Variants in RPN1 observed in about 807,000 individuals in gnomAD.
RPN1 encodes ribophorin I.
A neutral mutation model predicts 55.5 loss-of-function variants in RPN1; 12 were observed. The observed-to-expected ratio is 0.22, with a 90% confidence interval of 0.14 to 0.35. RPN1 has a LOEUF of 0.35. Ranked by LOEUF, RPN1 falls within the 10% of genes least tolerant of loss-of-function variation. The pLI is 1.00. For missense variants in RPN1, 679 were observed against 761.3 expected, an observed-to-expected ratio of 0.89 and a Z score of 1.27; for synonymous variants, 317 against 305.9, an observed-to-expected ratio of 1.04 and a Z score of -0.38.
intron 8 of RPN1, among the ~76,000 whole-genome samples, chr3:128,623,990 T>TACAC (rs377398264): frequency 1.8e-4 from 27 of 150,826 alleles, no homozygotes; most frequent in African/African-American, 6.6e-4. Context: ...CAGAAATAAT[T>TACAC]ACACACACAC....
intron 2 of RPN1, among the ~76,000 whole-genome samples, chr3:128,641,995 T>C (rs1273729333): frequency 6.6e-6 from 1 of 152,078 alleles, no homozygotes; most frequent in Non-Finnish European, 1.5e-5. Context: ...CTAGTAAACA[T>C]AACAGAGCTA....
intron 8 of RPN1, 126 bp downstream of exon 8, chr3:128,625,408 T>C (rs1373639275): frequency 2.1e-6 from 3 of 1,439,710 alleles, no homozygotes; most frequent in African/African-American, 2.8e-5. Flanking sequence ...CCGGCAAGGA[T>C]GAGCACAGGC....
intron 3 of RPN1, among the ~76,000 whole-genome samples, chr3:128,635,306 AT>A (rs1014479031): frequency 1.4e-3 from 210 of 146,338 alleles, no homozygotes; most frequent in African/African-American, 1.9e-3. Flanking sequence ...ATTCTCTATT[AT>A]TTTTTTTTTT....
Position 128,622,414 on chromosome 3 carries a change from A to G in RPN1, c.1396-5T>C. The G allele has an allele frequency of 6.2e-7, 1 of 1,613,988 alleles. No homozygotes were observed. Among genetic ancestry groups the G allele is most frequent in the Non-Finnish European group, 8.5e-7 (1 of 1,179,974 alleles). ...CCTGGCTTCTGCGGCTGGATCCTGA[A>G]GGAAGGAGAGGCACCATGTGTGACA... is the stretch of plus-strand genomic sequence containing the variant. On this transcript the variant is annotated splice_polypyrimidine_tract_variant and splice_region_variant and intron_variant, in intron 8 of 9. Transcript: ENST00000296255.
At chr3:128,648,955 C>T (rs1052593649) in intron 1 of RPN1, among the ~76,000 whole-genome samples, 10 of 152,176 alleles carry the variant, frequency 6.6e-5, no homozygotes, top group Non-Finnish European at 1.3e-4. Context: ...GCCTCCTTGC[C>T]TGCTATATGA....
intron 3 of RPN1, among the ~76,000 whole-genome samples, chr3:128,632,409 T>C (rs986476939): frequency 1.3e-5 from 2 of 152,176 alleles, no homozygotes; most frequent in Non-Finnish European, 2.9e-5. Context: ...CTGATTGTAT[T>C]AGGCAGTTTT....
chr3:128,635,333 G>T (rs11717358), intron 3 of RPN1, among the ~76,000 whole-genome samples: 1 of 150,892 alleles, frequency 6.6e-6, no homozygotes. Flanking sequence ...ACAGAGTCTT[G>T]CTCTGTTGCC....
At chr3:128,622,019 G>T in intron 9 of RPN1, 145 bp downstream of exon 9, 1 of 789,944 alleles carries the variant, frequency 1.3e-6, no homozygotes, top group Non-Finnish European at 2.0e-6. Context: ...ACAAGGACTG[G>T]CACCACATGA....
chr3:128,637,685 G>C (rs1250277046), intron 3 of RPN1, 114 bp downstream of exon 3: 6 of 1,095,536 alleles, frequency 5.5e-6, no homozygotes, highest in South Asian at 1.5e-5. Flanking sequence ...GATGACCTTA[G>C]AAATGACTGC....
intron 3 of RPN1, among the ~76,000 whole-genome samples, chr3:128,632,984 T>C (rs2069652189): frequency 6.6e-6 from 1 of 152,180 alleles, no homozygotes; most frequent in Non-Finnish European, 1.5e-5. Flanking sequence ...CAAAAGTCCA[T>C]GAAAAGGACA....
chr3:128,639,692 A>G (rs1468443793), intron 2 of RPN1, among the ~76,000 whole-genome samples: 2 of 151,838 alleles, frequency 1.3e-5, no homozygotes, highest in Non-Finnish European at 2.9e-5. Flanking sequence ...GGTTCAAGTG[A>G]TTCTCCTACC....
chr3:128,633,093 T>C (rs139546505), intron 3 of RPN1, among the ~76,000 whole-genome samples: 2 of 152,212 alleles, frequency 1.3e-5, no homozygotes, highest in Non-Finnish European at 2.9e-5. Flanking sequence ...ATAATCATAT[T>C]TGATAGCATT....
chr3:128,648,944 A>G (rs548821293), intron 1 of RPN1, among the ~76,000 whole-genome samples: 16 of 152,322 alleles, frequency 1.1e-4, no homozygotes, highest in African/African-American at 2.9e-4. Flanking sequence ...GACAGACTAC[A>G]GCCTCCTTGC....
At chr3:128,623,278 T>C (rs1483670969) in intron 8 of RPN1, among the ~76,000 whole-genome samples, 1 of 152,182 alleles carries the variant, frequency 6.6e-6, no homozygotes, top group Non-Finnish European at 1.5e-5. Context: ...GGCTCACACC[T>C]GTAATCCCAA....
chr3:128,631,839 G>A (rs1423663177), intron 4 of RPN1, 109 bp downstream of exon 4: 2 of 1,168,714 alleles, frequency 1.7e-6, no homozygotes, highest in Admixed American at 1.9e-5. Context: ...ATGAACATCA[G>A]TCAACCCTAA....
At chr3:128,626,946 A>T in intron 5 of RPN1, 114 bp from the exon 6 acceptor site, 1 of 844,920 alleles carries the variant, frequency 1.2e-6, no homozygotes, top group Non-Finnish European at 1.9e-6. Context: ...AAAACCAAAA[A>T]CCCACGGACC....
chr3:128,647,736 T>A (rs1386011386), intron 1 of RPN1, among the ~76,000 whole-genome samples: 2 of 151,530 alleles, frequency 1.3e-5, no homozygotes, highest in Non-Finnish European at 2.9e-5. Flanking sequence ...TGTGTGTGTA[T>A]CAGGAACTCT....
At position 128,637,661 on chromosome 3, in the gene RPN1, TTAAA is replaced by T; in HGVS notation, c.633+134_633+137del. Reference sequence around the variant, plus strand: ...CCCCATGGAGTCATTTCACTGCAGGTTAAACACTTTTGGGATGACCTTAGAAATG... The same window carrying T: ...CCCCATGGAGTCATTTCACTGCAGGTCACTTTTGGGATGACCTTAGAAATG... On this transcript the variant is annotated intron_variant, in intron 3 of 9. Coordinates refer to ENST00000296255, the MANE Select transcript of RPN1 (RefSeq NM_002950.4). The T allele has an allele frequency of 3.5e-6, 3 of 847,128 alleles. No individual in the cohort carries two copies. The South Asian group carries it at 5.0e-5, about 14-fold the overall frequency. The allele number at this position is 847,128 out of a possible 1,614,324, so 52.5% of individuals were successfully genotyped here. A position where few individuals can be genotyped will look rare whatever the true frequency, so the allele number is the denominator to read the frequency against.
chr3:128,634,307 G>A (rs934281253), intron 3 of RPN1, among the ~76,000 whole-genome samples: 6 of 151,230 alleles, frequency 4.0e-5, no homozygotes, highest in Non-Finnish European at 5.9e-5. Flanking sequence ...CAGCCTGGGC[G>A]AGAGTAAGAC....
Sources: allele counts gnomAD v4.1 joint callset (sites outside exome capture counted in the v4.1 genomes callset), GRCh38; gene constraint gnomAD v4.1.1; transcripts MANE v1.5; gene names NCBI Gene and HGNC (gene_info 2026-07-23, HGNC 2026-07-21).